Variants in EXOC7 observed in about 807,000 individuals in gnomAD.
EXOC7 encodes exocyst complex component 7, also known as exocyst complex component Exo70.
A neutral mutation model predicts 87.6 loss-of-function variants in EXOC7; 51 were observed. That is an observed-to-expected ratio of 0.58 (90% CI 0.46 to 0.73). The LOEUF is 0.73. Ranked by LOEUF, EXOC7 falls within the 30% of genes least tolerant of loss-of-function variation. The pLI is 0.00. For synonymous variants in EXOC7, 327 were observed against 357.1 expected (o/e 0.92, Z 0.95); for missense variants, 744 against 888.4 (o/e 0.84, Z 2.07).
intron 2 of EXOC7, 87 bp from the exon 3 acceptor site, chr17:76,101,950 T>C: frequency 8.9e-7 from 1 of 1,120,852 alleles, no homozygotes; most frequent in East Asian, 2.5e-5. Flanking sequence ...TCCTGCCTTT[T>C]CTCTGGTTTT....
intron 7 of EXOC7, among the ~76,000 whole-genome samples, chr17:76,090,039 G>A (rs2067403947): frequency 6.6e-6 from 1 of 152,228 alleles, no homozygotes; most frequent in South Asian, 2.1e-4. Context: ...TGCAGGAGGC[G>A]GACGTCAGGG....
intron 3 of EXOC7, 143 bp downstream of exon 3, chr17:76,101,532 TCTCA>T (rs1488755695): frequency 4.9e-5 from 65 of 1,334,610 alleles, no homozygotes; most frequent in Non-Finnish European, 6.1e-5. Flanking sequence ...TTAAAAGGCG[TCTCA>T]CTGTGTTGTC....
At chr17:76,096,451 G>A (rs1055222508) in intron 5 of EXOC7, among the ~76,000 whole-genome samples, 6 of 150,774 alleles carry the variant, frequency 4.0e-5, no homozygotes, top group African/African-American at 1.5e-4. Flanking sequence ...GGCAGAGGTT[G>A]CGGTGAGCCA....
intron 5 of EXOC7, among the ~76,000 whole-genome samples, chr17:76,095,063 C>T (rs565368319): frequency 4.6e-5 from 7 of 152,048 alleles, no homozygotes; most frequent in Admixed American, 6.5e-5. Context: ...CAGGCTCAAC[C>T]AATTATCTTG....
chr17:76,088,805 T>C lies in EXOC7; in HGVS notation c.1166A>G (p.Lys389Arg), dbSNP rs373586599. ...LTVFPILRHL[K>R]QTKPEFDQVL... Reference sequence around the variant, plus strand: ...CTGGTCAAACTCAGGCTTGGTCTGCTTGAGGTGTCGCAGGATGGGGAAGAC... The same window carrying C: ...CTGGTCAAACTCAGGCTTGGTCTGCCTGAGGTGTCGCAGGATGGGGAAGAC... Residue 389 changes from lysine (K) to arginine (R), a missense_variant, in exon 9 of 19, where the codon AAG (lysine) becomes AGG (arginine). Transcript: ENST00000589210. 9 of 1,613,868 alleles carry C rather than the reference T, an allele frequency of 5.6e-6. No homozygotes were observed. Among genetic ancestry groups the C allele is most frequent in the Middle Eastern group, 1.7e-4 (1 of 5,920 alleles).
At position 76,085,377 on chromosome 17, in the gene EXOC7, T is replaced by A. The variant is rs201744200; in HGVS notation, c.1649A>T (p.Gln550Leu). Residue 550 changes from glutamine (Q) to leucine (L), a missense_variant, in exon 15 of 19, where the codon CAG becomes CTG. Around this residue, in one of 3 missense-constraint regions of EXOC7, gnomAD observed 228 missense variants for 298.6 expected, o/e 0.76. Transcript: ENST00000589210. Reference sequence around the variant, plus strand: ...CCGGTAGGAGCGCTCAGCAGTCTTCTGTGTCACTGCCACCAGCTGGATCAG... The same window carrying A: ...CCGGTAGGAGCGCTCAGCAGTCTTCAGTGTCACTGCCACCAGCTGGATCAG... Reference protein sequence around the residue: ...SELIQLVAVTQKTAERSYREH... With the variant: ...SELIQLVAVTLKTAERSYREH... The A allele has an allele frequency of 6.2e-7, 1 of 1,610,740 alleles. No individual in the cohort carries two copies. Among genetic ancestry groups the A allele is most frequent in the African/African-American group, 1.3e-5 (1 of 74,918 alleles).
chr17:76,084,405 G>T (rs747424991), intron 16 of EXOC7, 112 bp downstream of exon 16: 1 of 1,557,186 alleles, frequency 6.4e-7, no homozygotes, highest in South Asian at 1.1e-5. Flanking sequence ...ATGGCCACAT[G>T]CATCCTTTGC....
rs757944165 is a variant in EXOC7, at chr17:76,088,810, G to C, written c.1161C>G (p.His387Gln). Reference protein sequence around the residue: ...TVLTVFPILRHLKQTKPEFDQ... With the variant: ...TVLTVFPILRQLKQTKPEFDQ... Reference sequence around the variant, plus strand: ...CAAACTCAGGCTTGGTCTGCTTGAGGTGTCGCAGGATGGGGAAGACGGTGA... The same window carrying C: ...CAAACTCAGGCTTGGTCTGCTTGAGCTGTCGCAGGATGGGGAAGACGGTGA... Residue 387 changes from histidine to glutamine, a missense_variant, in exon 9 of 19, where the codon CAC (histidine) becomes CAG (glutamine). His to Gln is a conservative substitution (Grantham distance 24, BLOSUM62 0). This residue lies in a region of EXOC7 where 512 missense variants were observed against 573.0 expected (regional missense o/e 0.89). Transcript: ENST00000589210. 6.8e-6 allele frequency: 11 copies of C among 1,613,908 alleles called. No homozygotes were observed. The highest frequency in any genetic ancestry group is 9.3e-6 in the Non-Finnish European group (11 of 1,180,034).
chr17:76,085,567 C>G, intron 14 of EXOC7, 110 bp downstream of exon 14: 1 of 1,567,488 alleles, frequency 6.4e-7, no homozygotes, highest in African/African-American at 1.4e-5. Flanking sequence ...ACTGAAGCAC[C>G]CCCTCCCCTC....
chr17:76,088,852 G>A lies in EXOC7; in HGVS notation c.1119C>T (p.His373=), dbSNP rs761170751. ...AGACGGTGAGCACCGTGGAGAAGTC[G>A]TGTCGCACAATGGCCTTCCGGGCAG... ...VSAARKAIVR[H]DFSTVLTVFP... The change falls in exon 9 of 19, where the codon CAC becomes CAT. Residue 373 remains histidine, a synonymous_variant. Coordinates refer to ENST00000589210, the MANE Select transcript of EXOC7 (RefSeq NM_001013839.4). 1.1e-5 allele frequency: 18 copies of A among 1,613,896 alleles called. No individual in the cohort carries two copies. Among genetic ancestry groups the A allele is most frequent in the Admixed American group, 1.7e-5 (1 of 60,010 alleles).
chr17:76,101,264 C>T lies in EXOC7; in HGVS notation c.417+7G>A. ...AAGCTTCTCACGTTATTCTGCGGAC[C>T]CCTTACCACTTTGTTGAGTTCCGGG... is the stretch of plus-strand genomic sequence containing the variant. On this transcript the variant is annotated splice_region_variant and intron_variant, in intron 4 of 18. Transcript: ENST00000589210. 6.2e-7 allele frequency: 1 copy of T among 1,613,964 alleles called. No individual in the cohort carries two copies. Among genetic ancestry groups the T allele is most frequent in the Non-Finnish European group, 8.5e-7 (1 of 1,180,002 alleles).
At chr17:76,088,649 A>C in intron 9 of EXOC7, 87 bp from the exon 10 acceptor site, 1 of 1,596,190 alleles carries the variant, frequency 6.3e-7, no homozygotes, top group South Asian at 1.1e-5. Context: ...AGCTGCTTCC[A>C]TGCACCTTCA....
chr17:76,103,710 C>A lies in EXOC7; in HGVS notation c.-18G>T, dbSNP rs1255056350. 1 of 1,597,544 alleles carries A rather than the reference C, an allele frequency of 6.3e-7. No homozygotes were observed. The highest frequency in any genetic ancestry group is 8.5e-7 in the Non-Finnish European group (1 of 1,172,788). ...GGAATCATCGCTCTGAACCCCGCGGCTCCCACTCCCCAGTATCTTTCCTCC... is the reference window on the plus strand; with the variant it reads ...GGAATCATCGCTCTGAACCCCGCGGATCCCACTCCCCAGTATCTTTCCTCC... On this transcript the variant is annotated 5_prime_UTR_variant, in exon 1 of 19. Coordinates refer to ENST00000589210, the MANE Select transcript of EXOC7 (RefSeq NM_001013839.4).
At chr17:76,094,175 C>G (rs1358740248) in intron 6 of EXOC7, 1 of 467,032 alleles carries the variant, frequency 2.1e-6, no homozygotes, top group African/African-American at 1.9e-5. Context: ...TGTGTTACTC[C>G]CCTACTCCAA....
intron 12 of EXOC7, chr17:76,087,212 G>C: frequency 5.0e-6 from 2 of 397,024 alleles, no homozygotes; most frequent in Non-Finnish European, 9.3e-6. Context: ...CTTGCTTACA[G>C]GCCAACCCCC....
intron 5 of EXOC7, among the ~76,000 whole-genome samples, chr17:76,095,581 G>A (rs984928935): frequency 1.6e-4 from 25 of 152,134 alleles, no homozygotes; most frequent in Non-Finnish European, 2.8e-4. Context: ...CACATCTTTA[G>A]CCATTAATAA....
chr17:76,084,713 C>T, intron 15 of EXOC7, 133 bp from the exon 16 acceptor site: 1 of 694,916 alleles, frequency 1.4e-6, no homozygotes, highest in Non-Finnish European at 2.5e-6. Context: ...ACTAAGCAAA[C>T]AACAGGTTTT....
intron 7 of EXOC7, chr17:76,089,656 T>C: frequency 3.0e-6 from 1 of 337,338 alleles, no homozygotes; most frequent in African/African-American, 2.1e-5. Context: ...ACCCCAGGAC[T>C]GAGCATTCTG....
intron 10 of EXOC7, 104 bp downstream of exon 10, chr17:76,088,360 C>T (rs2246621): frequency 0.46 from 555,421 of 1,198,436 alleles, 133,346 homozygotes; most frequent in South Asian, 0.64. Flanking sequence ...CTGGCTGCCC[C>T]GGGACAACGC....
Sources: gnomAD v4.1 joint callset for allele counts (sites outside exome capture counted in the v4.1 genomes callset) on GRCh38, gnomAD v4.1.1 for gene constraint, gnomAD v4.1.1 regional missense constraint, MANE v1.5 for transcripts, NCBI Gene and HGNC (gene_info 2026-07-23, HGNC 2026-07-21) for gene names.